GATAD2B: variants seen among roughly 807,000 people sequenced by gnomAD.
GATAD2B encodes GATA zinc finger domain containing 2B.
In GATAD2B, 8 loss-of-function variants were observed where a neutral mutation model predicts 64.3. That is an observed-to-expected ratio of 0.12 (90% CI 0.07 to 0.22). The LOEUF (loss-of-function observed/expected upper bound fraction) is 0.22. Among genes scored for constraint, GATAD2B ranks in the 10% least tolerant of loss-of-function variants. The pLI is 1.00. For synonymous variants in GATAD2B, 281 were observed against 271.3 expected (o/e 1.04, Z -0.35); for missense variants, 453 against 752.0 (o/e 0.60, Z 4.65).
rs1017104068 is a variant in GATAD2B at position 153,857,441 on chromosome 1, C to G, written c.-1-29093G>C. ...AGCCTGGGCGACAGAGGGAGACTCT[C>G]AAATGTGTGTGTGTGTAATTATAAC... On this transcript the variant is annotated intron_variant, in intron 1 of 10. Coordinates refer to ENST00000368655, the MANE Select transcript of GATAD2B (RefSeq NM_020699.4). Among the ~76,000 whole-genome samples the G allele has an allele frequency of 2.0e-5, 3 of 152,054 alleles. 1 individual carries two copies. The highest frequency in any genetic ancestry group is 4.4e-5 in the Non-Finnish European group (3 of 68,010).
rs1674358190 is a variant in GATAD2B at position 153,813,430 on chromosome 1, C to A, written c.1239G>T (p.Leu413=). The A allele has an allele frequency of 6.2e-7, 1 of 1,613,936 alleles. No individual in the cohort carries two copies. Among genetic ancestry groups the A allele is most frequent in the African/African-American group, 1.3e-5 (1 of 74,906 alleles). The change falls in exon 8 of 11, where the codon CTG becomes CTT. Residue 413 remains leucine (L), a synonymous_variant. Coordinates refer to ENST00000368655, the MANE Select transcript of GATAD2B (RefSeq NM_020699.4). ...DSQGKSCASL[L]RVEPFVCAQC... is the part of the protein sequence containing the mutation. ...GGGCACATACAAAGGGTTCAACCCGCAGAAGTGAGGCACAGCTTTTGCCTA... is the reference window on the plus strand; with the variant it reads ...GGGCACATACAAAGGGTTCAACCCGAAGAAGTGAGGCACAGCTTTTGCCTA...
At chr1:153,880,039 TAAAA>T (rs1676960922) in intron 1 of GATAD2B, among the ~76,000 whole-genome samples, 2 of 151,754 alleles carry the variant, frequency 1.3e-5, no homozygotes, top group African/African-American at 2.4e-5. Context: ...AAAGAAGAAA[TAAAA>T]AAGAAGGGGG....
intron 3 of GATAD2B, among the ~76,000 whole-genome samples, chr1:153,819,306 G>A (rs1674591596): frequency 6.6e-6 from 1 of 152,246 alleles, no homozygotes; most frequent in Non-Finnish European, 1.5e-5. Context: ...AGTGCAGAAA[G>A]TATCCTTACA....
chr1:153,865,774 G>C (rs766452431), intron 1 of GATAD2B, among the ~76,000 whole-genome samples: 33 of 152,178 alleles, frequency 2.2e-4, no homozygotes, highest in Non-Finnish European at 4.6e-4. Flanking sequence ...TTGCTCTTTA[G>C]AGAAACAAGA....
At chr1:153,885,800 T>C (rs1677164794) in intron 1 of GATAD2B, among the ~76,000 whole-genome samples, 2 of 150,726 alleles carry the variant, frequency 1.3e-5, no homozygotes, top group African/African-American at 4.9e-5. Context: ...GAGGCGGAGC[T>C]TGCAGTGAGC....
At chr1:153,833,532 T>C (rs1431846834) in intron 1 of GATAD2B, among the ~76,000 whole-genome samples, 1 of 152,144 alleles carries the variant, frequency 6.6e-6, no homozygotes, top group African/African-American at 2.4e-5. Context: ...GTAAGAAATA[T>C]TGCTGGGCAT....
rs1674165188 is a variant in GATAD2B, at chr1:153,808,120, T to C, written c.*2057A>G. On this transcript the variant is annotated 3_prime_UTR_variant, in exon 11 of 11. Transcript: ENST00000368655. ...ACCCAGTTCCATTAACCCCCCTCCC[T>C]CTCCCACCACTTACAGTCAGGGGTA... The C allele has an allele frequency of 6.6e-6, 1 of 152,256 alleles. No homozygotes were observed. Among genetic ancestry groups the C allele is most frequent in the Non-Finnish European group, 1.5e-5 (1 of 67,996 alleles). The allele number at this position is 152,256 out of a possible 1,614,324, so 9.4% of individuals were successfully genotyped here.
At chr1:153,884,695 T>C (rs919158661) in intron 1 of GATAD2B, among the ~76,000 whole-genome samples, 1 of 152,184 alleles carries the variant, frequency 6.6e-6, no homozygotes, top group African/African-American at 2.4e-5. Context: ...AAGAAAAAGA[T>C]CTACATTCAC....
intron 1 of GATAD2B, among the ~76,000 whole-genome samples, chr1:153,900,465 A>C (rs563627332): frequency 6.6e-6 from 1 of 152,260 alleles, no homozygotes; most frequent in African/African-American, 2.4e-5. Flanking sequence ...TAATATGACC[A>C]TTAATCTGGG....
At chr1:153,882,971 A>C (rs1211711309) in intron 1 of GATAD2B, among the ~76,000 whole-genome samples, 1 of 152,230 alleles carries the variant, frequency 6.6e-6, no homozygotes, top group East Asian at 1.9e-4. Context: ...CTATTGGCTG[A>C]GGACCTTTGC....
intron 1 of GATAD2B, among the ~76,000 whole-genome samples, chr1:153,908,487 T>C (rs1380170254): frequency 6.6e-6 from 1 of 152,060 alleles, no homozygotes; most frequent in African/African-American, 2.4e-5. Context: ...ACATACTTTT[T>C]TTTTTTTTGA....
intron 1 of GATAD2B, among the ~76,000 whole-genome samples, chr1:153,914,182 G>A (rs1298789881): frequency 7.1e-6 from 1 of 140,868 alleles, no homozygotes; most frequent in African/African-American, 2.7e-5. Flanking sequence ...GGCGGAGGTT[G>A]CAGTGAGCCG....
intron 1 of GATAD2B, chr1:153,853,360 T>C (rs531374864): frequency 3.7e-5 from 26 of 695,228 alleles, no homozygotes; most frequent in South Asian, 1.6e-4. Context: ...CAAGGGCAGG[T>C]TGACCACCCG....
At chr1:153,855,225 GTT>G (rs112614667) in intron 1 of GATAD2B, among the ~76,000 whole-genome samples, 26 of 142,286 alleles carry the variant, frequency 1.8e-4, no homozygotes, top group Admixed American at 2.1e-4. Flanking sequence ...CTTTCTTTTT[GTT>G]TTTTTTTTTT....
At chr1:153,843,793 T>TA (rs1484674528) in intron 1 of GATAD2B, among the ~76,000 whole-genome samples, 1 of 90,956 alleles carries the variant, frequency 1.1e-5, no homozygotes, top group Non-Finnish European at 2.2e-5. Context: ...CCCTCTCACC[T>TA]AAAAGAACCA....
In GATAD2B at chr1:153,812,119, C is replaced by G; in HGVS notation, c.1433G>C (p.Arg478Pro). ...ALQQEQEIEQ[R>P]LQQQAALSPT... ...GGAGAGGGCTGCCTGCTGCTGTAAT[C>G]GCTGTTCAATTTCCTGTTGGGAGTC... Residue 478 changes from arginine (R) to proline (P), a missense_variant, in exon 9 of 11, where the codon CGA (arginine) becomes CCA (proline). Physicochemically the swap from Arg to Pro is moderately radical, Grantham distance 103. This residue lies in a region of GATAD2B where 160 missense variants were observed against 334.7 expected (regional missense o/e 0.48). Transcript: ENST00000368655. 2 of 1,606,952 alleles carry G rather than the reference C, an allele frequency of 1.2e-6. No individual in the cohort carries two copies. Among genetic ancestry groups the G allele is most frequent in the East Asian group, 2.2e-5 (1 of 44,844 alleles).
intron 1 of GATAD2B, among the ~76,000 whole-genome samples, chr1:153,844,466 T>A (rs1440804250): frequency 1.4e-5 from 2 of 146,920 alleles, no homozygotes; most frequent in Non-Finnish European, 3.0e-5. Flanking sequence ...AATAACTGAA[T>A]TGCAAATCAA....
At chr1:153,862,723 T>C (rs1169066410) in intron 1 of GATAD2B, among the ~76,000 whole-genome samples, 1 of 147,440 alleles carries the variant, frequency 6.8e-6, no homozygotes, top group Non-Finnish European at 1.5e-5. Context: ...TCTACTTTAT[T>C]TCTTTTTTTT....
Position 153,817,511 on chromosome 1 carries a change from G to C in GATAD2B, c.761C>G (p.Thr254Ser). The C allele has an allele frequency of 6.2e-7, 1 of 1,608,452 alleles. No homozygotes were observed. The highest frequency in any genetic ancestry group is 8.5e-7 in the Non-Finnish European group (1 of 1,177,998). ...GHSVIRSATN[T>S]TLPHMLMSQR... The stretch of plus-strand genomic sequence containing the variant: ...AGACATCAACATGTGTGGAAGGGTG[G>C]TATTGGTAGCTGAACGGATGACACT... The change falls in exon 6 of 11, where the codon ACC (threonine) becomes AGC (serine). Residue 254 changes from threonine (T) to serine (S), a missense_variant. Coordinates refer to ENST00000368655, the MANE Select transcript of GATAD2B (RefSeq NM_020699.4).
Sources: gnomAD v4.1 joint callset for allele counts (sites outside exome capture counted in the v4.1 genomes callset) on GRCh38, gnomAD v4.1.1 for gene constraint, gnomAD v4.1.1 regional missense constraint, MANE v1.5 for transcripts, NCBI Gene and HGNC (gene_info 2026-07-23, HGNC 2026-07-21) for gene names.